ENOX1: variants seen among roughly 807,000 people sequenced by gnomAD.
ENOX1 encodes candidate growth-related and time keeping constitutive hydroquinone (NADH) oxidase.
Under a neutral mutation model 82.5 loss-of-function variants are expected in ENOX1, and 42 were observed. The ratio of observed to expected loss-of-function variants is 0.51; its 90% confidence interval spans 0.40 to 0.66. The LOEUF (loss-of-function observed/expected upper bound fraction) is 0.66. Among genes scored for constraint, ENOX1 ranks in the 30% least tolerant of loss-of-function variants. The pLI, the probability that ENOX1 is intolerant of heterozygous loss-of-function variation, is 0.00. For synonymous variants in ENOX1, 271 were observed against 282.2 expected (o/e 0.96, Z 0.40); for missense variants, 608 against 811.6 (o/e 0.75, Z 3.05).
intron 10 of ENOX1, among the ~76,000 whole-genome samples, chr13:43,325,400 G>T (rs1460895912): frequency 6.6e-6 from 1 of 152,152 alleles, no homozygotes; most frequent in African/African-American, 2.4e-5. Context: ...TGATAATAAA[G>T]AATTCATTTG....
chr13:43,705,288 A>G (rs2087182987), intron 1 of ENOX1, among the ~76,000 whole-genome samples: 1 of 147,826 alleles, frequency 6.8e-6, no homozygotes, highest in Non-Finnish European at 1.5e-5. Context: ...TCCATCTCAA[A>G]AAACAAACAA....
chr13:43,586,923 AT>A (rs1353187192), intron 2 of ENOX1, among the ~76,000 whole-genome samples: 7 of 104,562 alleles, frequency 6.7e-5, no homozygotes, highest in Admixed American at 3.6e-4. Context: ...AAAAAAAAAA[AT>A]TTAGCTGGGC....
chr13:43,349,084 G>A (rs968359411), intron 8 of ENOX1, among the ~76,000 whole-genome samples: 9 of 152,212 alleles, frequency 5.9e-5, no homozygotes, highest in African/African-American at 1.9e-4. Flanking sequence ...ATACTGGAAA[G>A]ATACAAATGT....
intron 2 of ENOX1, among the ~76,000 whole-genome samples, chr13:43,626,290 A>T (rs2082959217): frequency 6.6e-6 from 1 of 151,384 alleles, no homozygotes; most frequent in African/African-American, 2.4e-5. Context: ...TATTCCACTG[A>T]TTTTCTCTAC....
chr13:43,509,180 G>A (rs1281460688), intron 2 of ENOX1, among the ~76,000 whole-genome samples: 1 of 152,006 alleles, frequency 6.6e-6, no homozygotes, highest in African/African-American at 2.4e-5. Context: ...GATATTAGGT[G>A]TTAAAGAAAT....
intron 1 of ENOX1, among the ~76,000 whole-genome samples, chr13:43,685,918 T>C (rs1177119926): frequency 7.7e-6 from 1 of 130,394 alleles, no homozygotes; most frequent in African/African-American, 3.1e-5. Flanking sequence ...ACACACTACA[T>C]GGTTGAAACA....
At chr13:43,624,028 C>T (rs2082860462) in intron 2 of ENOX1, among the ~76,000 whole-genome samples, 1 of 152,058 alleles carries the variant, frequency 6.6e-6, no homozygotes, top group African/African-American at 2.4e-5. Context: ...GGTGGCTGTA[C>T]CATTTTACAT....
chr13:43,740,716 G>A (rs2153826603), intron 1 of ENOX1, among the ~76,000 whole-genome samples: 1 of 152,152 alleles, frequency 6.6e-6, no homozygotes, highest in South Asian at 2.1e-4. Context: ...TTGGTCCCAG[G>A]CATTTCTTAT....
chr13:43,705,900 T>A (rs1245274414), intron 1 of ENOX1, among the ~76,000 whole-genome samples: 1 of 152,094 alleles, frequency 6.6e-6, no homozygotes, highest in East Asian at 1.9e-4. Flanking sequence ...AAATATTTAA[T>A]GAGACAGACT....
Position 43,786,287 on chromosome 13 carries a change from G to A in ENOX1, c.-285+365C>T, listed in dbSNP as rs903695995. 6.6e-6 allele frequency among the ~76,000 whole-genome samples: 1 copy of A among 152,196 alleles called. No homozygotes were observed. Among genetic ancestry groups the A allele is most frequent in the Non-Finnish European group, 1.5e-5 (1 of 68,026 alleles). ...CGCCCGCAGGGGGAGACGGGTGCGG[G>A]GTGCGCTGTCCAAGGTGCAGGGGAG... On this transcript the variant is annotated intron_variant, in intron 1 of 16. Coordinates refer to ENST00000690772, the MANE Select transcript of ENOX1 (RefSeq NM_001347969.2). This position sits in a 1 kb window ranked among gnomAD's most constrained non-coding sequence, Gnocchi z 6.0.
chr13:43,327,772 T>G (rs2048196158), intron 9 of ENOX1, among the ~76,000 whole-genome samples: 1 of 152,190 alleles, frequency 6.6e-6, no homozygotes, highest in Non-Finnish European at 1.5e-5. Flanking sequence ...GGTGCCATAA[T>G]TTTTAAATTA....
chr13:43,229,749 A>T (rs2042191992), intron 15 of ENOX1, among the ~76,000 whole-genome samples: 1 of 152,170 alleles, frequency 6.6e-6, no homozygotes, highest in South Asian at 2.1e-4. Flanking sequence ...GCGGACTCCA[A>T]AGGGAGAGCC....
intron 2 of ENOX1, among the ~76,000 whole-genome samples, chr13:43,498,175 A>G (rs1343494973): frequency 6.6e-6 from 1 of 152,050 alleles, no homozygotes; most frequent in Non-Finnish European, 1.5e-5. Flanking sequence ...GTTTTCAGTC[A>G]TCTTTATTAG....
intron 1 of ENOX1, among the ~76,000 whole-genome samples, chr13:43,702,059 C>G (rs192112924): frequency 6.6e-6 from 1 of 152,318 alleles, no homozygotes; most frequent in Admixed American, 6.5e-5. Flanking sequence ...ATAATTCTGT[C>G]CTTTCAAGAA....
At chr13:43,571,433 C>T (rs964449156) in intron 2 of ENOX1, among the ~76,000 whole-genome samples, 2 of 151,852 alleles carry the variant, frequency 1.3e-5, no homozygotes, top group Admixed American at 6.6e-5. Flanking sequence ...AATCCCAGCA[C>T]TTTGGGAGGC....
chr13:43,241,200 T>C (rs1301408500), intron 14 of ENOX1, among the ~76,000 whole-genome samples: 1 of 152,208 alleles, frequency 6.6e-6, no homozygotes, highest in Non-Finnish European at 1.5e-5. Context: ...ACCCCAAATC[T>C]CTAGAGAATG....
chr13:43,361,158 A>T, intron 6 of ENOX1, 121 bp downstream of exon 6: 1 of 1,013,706 alleles, frequency 9.9e-7, no homozygotes, highest in South Asian at 1.6e-5. Flanking sequence ...CTTCTGTAGA[A>T]CGGATCCCCA....
chr13:43,369,804 T>G (rs1029373648), intron 5 of ENOX1, among the ~76,000 whole-genome samples: 1 of 152,006 alleles, frequency 6.6e-6, no homozygotes, highest in Non-Finnish European at 1.5e-5. Context: ...CAGGACAGAT[T>G]CAGCCACAGA....
At chr13:43,661,861 G>T (rs1024735045) in intron 2 of ENOX1, among the ~76,000 whole-genome samples, 1 of 152,124 alleles carries the variant, frequency 6.6e-6, no homozygotes, top group Non-Finnish European at 1.5e-5. Context: ...AACATTTACC[G>T]AGTATCTACT....
Sources: allele counts gnomAD v4.1 joint callset (sites outside exome capture counted in the v4.1 genomes callset), GRCh38; gene constraint gnomAD v4.1.1; non-coding constraint Gnocchi (gnomAD v3.1); transcripts MANE v1.5; gene names NCBI Gene and HGNC (gene_info 2026-07-23, HGNC 2026-07-21).